The following CDCP1 variants were observed in gnomAD, a reference collection of about 807,000 sequenced individuals.
CDCP1 encodes the protein CUB domain-containing protein 1.
Under a neutral mutation model 60.2 loss-of-function variants are expected in CDCP1, and 29 were observed. That is an observed-to-expected ratio of 0.48 (90% CI 0.36 to 0.66). The LOEUF (loss-of-function observed/expected upper bound fraction) is 0.66, where lower values mean the gene tolerates loss of function less well. CDCP1 is among the 30% of genes least tolerant of loss of function. The pLI is 0.00. For missense variants in CDCP1, 876 were observed against 1,074.3 expected (o/e 0.82, Z 2.58); for synonymous variants, 387 against 431.1 (o/e 0.90, Z 1.27).
At chr3:45,113,752 C>A (rs781462445) in intron 2 of CDCP1, among the ~76,000 whole-genome samples, 1 of 152,176 alleles carries the variant, frequency 6.6e-6, no homozygotes, top group Admixed American at 6.5e-5. Context: ...CTTGCCAATG[C>A]GCTATGCTGT....
rs1352263792 is a variant in CDCP1, at chr3:45,110,556, T to C, written c.941A>G (p.Gln314Arg). Residue 314 changes from glutamine to arginine, a missense_variant, in exon 4 of 9, where the codon CAA (glutamine) becomes CGA (arginine). Transcript: ENST00000296129. ...NMAGNFNLSL[Q>R]GCDQDAQSPG... ...ACTTTGGGCATCTTGGTCACAGCCT[T>C]GCAGAGAGAGGTTGAAGTTCCCCGC... 2 of 1,614,090 alleles carry C rather than the reference T, an allele frequency of 1.2e-6. No homozygotes were observed. The highest frequency in any genetic ancestry group is 2.7e-5 in the African/African-American group (2 of 74,938).
chr3:45,144,992 AT>A (rs1210921169), intron 1 of CDCP1, among the ~76,000 whole-genome samples: 1 of 151,580 alleles, frequency 6.6e-6, no homozygotes, highest in Non-Finnish European at 1.5e-5. Flanking sequence ...TTTAATATAT[AT>A]AATTTATATA....
Position 45,085,716 on chromosome 3 carries a change from G to C in CDCP1, c.2433C>G (p.Pro811=). Residue 811 remains proline (P), a synonymous_variant, in exon 9 of 9, where the codon CCC becomes CCG. Transcript: ENST00000296129. This position sits in a 1 kb window ranked among gnomAD's most constrained non-coding sequence, Gnocchi z 4.2. ...SESEPYTFSH[P]NNGDVSSKDT... ...CCTTGCTGCTTACATCCCCATTGTT[G>C]GGATGGGAGAAGGTGTACGGTTCAC... The C allele has an allele frequency of 6.2e-7, 1 of 1,614,156 alleles. No homozygotes were observed. Among genetic ancestry groups the C allele is most frequent in the Non-Finnish European group, 8.5e-7 (1 of 1,180,024 alleles).
intron 1 of CDCP1, among the ~76,000 whole-genome samples, chr3:45,144,321 A>T (rs1699344653): frequency 6.6e-6 from 1 of 152,150 alleles, no homozygotes; most frequent in Non-Finnish European, 1.5e-5. Flanking sequence ...AGTCTCCAGG[A>T]ATTTCTCAAA....
rs149769993 is a variant in CDCP1 at position 45,110,505 on chromosome 3, T to C, written c.992A>G (p.Gln331Arg). The C allele has an allele frequency of 6.2e-7, 1 of 1,614,068 alleles. No homozygotes were observed. The highest frequency in any genetic ancestry group is 1.7e-5 in the Admixed American group (1 of 60,002). Reference sequence around the variant, plus strand: ...ATTTTGTGGATGTTGGACCAAAACTTGGAACTGCAGCCGGAGGATCCCTGG... The same window carrying C: ...ATTTTGTGGATGTTGGACCAAAACTCGGAACTGCAGCCGGAGGATCCCTGG... ...QSPGILRLQF[Q>R]VLVQHPQNES... is the part of the protein sequence containing the mutation. Residue 331 changes from glutamine (Q) to arginine (R), a missense_variant, in exon 4 of 9, where the codon CAA (glutamine) becomes CGA (arginine). By Grantham distance (43) the Gln-to-Arg change is conservative. Around this residue, in one of 2 missense-constraint regions of CDCP1, gnomAD observed 726 missense variants for 935.7 expected, o/e 0.78. Coordinates refer to ENST00000296129, the MANE Select transcript of CDCP1 (RefSeq NM_022842.5).
Position 45,112,182 on chromosome 3 carries a change from T to TC in CDCP1, c.555dup (p.Ile186AspfsTer43). ...ATTTTCACTCCTTCTTGCATCTTGA[T>TC]CCGGGACACAGTGCCATTGCTGCAG... On this transcript the variant is annotated frameshift_variant, in exon 3 of 9. Coordinates refer to ENST00000296129, the MANE Select transcript of CDCP1 (RefSeq NM_022842.5). LOFTEE classifies it high-confidence loss of function. The TC allele has an allele frequency of 6.2e-7, 1 of 1,614,182 alleles. No homozygotes were observed. The highest frequency in any genetic ancestry group is 8.5e-7 in the Non-Finnish European group (1 of 1,180,034).
chr3:45,100,059 G>T (rs1698464676), intron 4 of CDCP1, among the ~76,000 whole-genome samples: 2 of 152,186 alleles, frequency 1.3e-5, no homozygotes, highest in East Asian at 3.8e-4. Context: ...ATGCTATTTG[G>T]AATAGCTCTG....
chr3:45,096,385 G>A (rs963882706), intron 4 of CDCP1, among the ~76,000 whole-genome samples: 8 of 152,112 alleles, frequency 5.3e-5, no homozygotes, highest in Non-Finnish European at 7.4e-5. Context: ...AGCACTTTGG[G>A]AGGCCGAGGC....
At chr3:45,114,145 C>T (rs1021747948) in intron 2 of CDCP1, among the ~76,000 whole-genome samples, 1 of 152,214 alleles carries the variant, frequency 6.6e-6, no homozygotes, top group East Asian at 1.9e-4. Context: ...CTCCCAGCCT[C>T]AGCTCTGTCA....
At position 45,082,864 on chromosome 3, in the gene CDCP1, G is replaced by C. The variant is rs1698126921; in HGVS notation, c.*2774C>G. 1 of 152,242 alleles carries C rather than the reference G, an allele frequency of 6.6e-6. No homozygotes were observed. 9.4% of individuals were successfully genotyped at this position (152,242 alleles called of 1,614,324 possible). On this transcript the variant is annotated 3_prime_UTR_variant, in exon 9 of 9. Transcript: ENST00000296129. ...AGTGACCCTGAAATGTTTTACGTAA[G>C]TGGGGCCTGGGCTTTAAAGAAAAGA...
intron 2 of CDCP1, among the ~76,000 whole-genome samples, chr3:45,113,222 C>T (rs1012792256): frequency 4.6e-5 from 7 of 152,196 alleles, no homozygotes; most frequent in African/African-American, 1.7e-4. Flanking sequence ...GTGCAACTCC[C>T]CTGGACAGCT....
At chr3:45,094,959 G>A (rs1198138299) in intron 5 of CDCP1, among the ~76,000 whole-genome samples, 1 of 112,232 alleles carries the variant, frequency 8.9e-6, no homozygotes, top group South Asian at 3.1e-4. Flanking sequence ...TTTTTTTTTT[G>A]AGTCTTACTC....
chr3:45,140,335 A>C (rs765995292), intron 1 of CDCP1, among the ~76,000 whole-genome samples: 2 of 152,254 alleles, frequency 1.3e-5, no homozygotes, highest in Non-Finnish European at 2.9e-5. Context: ...TGCATTTGGC[A>C]CATTTCTCCC....
In CDCP1 at chr3:45,085,621, G is replaced by A. The variant is rs777676696; in HGVS notation, c.*17C>T. ...CCTGCTTTATGAAACTCAGCAAAGC[G>A]TCTGGAATGGATCAAGTTATTCTGC... On this transcript the variant is annotated 3_prime_UTR_variant, in exon 9 of 9. Coordinates refer to ENST00000296129, the MANE Select transcript of CDCP1 (RefSeq NM_022842.5). The surrounding 1 kb of genome is among the most constrained non-coding windows in gnomAD (Gnocchi z 4.2). The A allele has an allele frequency of 3.6e-5, 57 of 1,601,420 alleles. No individual in the cohort carries two copies. Among genetic ancestry groups the A allele is most frequent in the Admixed American group, 8.5e-5 (5 of 59,130 alleles).
chr3:45,127,371 G>A (rs777581672), intron 1 of CDCP1, among the ~76,000 whole-genome samples: 4 of 152,258 alleles, frequency 2.6e-5, no homozygotes, highest in South Asian at 2.1e-4. Flanking sequence ...AGGTCTGCCC[G>A]GGGGGTGTGG....
intron 8 of CDCP1, among the ~76,000 whole-genome samples, chr3:45,088,327 A>T (rs1559773625): frequency 6.6e-6 from 1 of 151,382 alleles, no homozygotes; most frequent in Admixed American, 6.6e-5. Flanking sequence ...ACAAAAAAAT[A>T]CAAAAAAAAT....
In CDCP1 at chr3:45,110,703, G is replaced by C. The variant is rs966425246; in HGVS notation, c.794C>G (p.Ser265Cys). ...GTTGGAGAGGTTGAAGTTGAGGAAG[G>C]AGACGCTGGCCCGCAGGTGTGCAGG... ...VVPAHLRASV[S>C]FLNFNLSNCE... Residue 265 changes from serine to cysteine, a missense_variant, in exon 4 of 9, where the codon TCC becomes TGC. Physicochemically the swap from Ser to Cys is moderately radical, Grantham distance 112. Around this residue, in one of 2 missense-constraint regions of CDCP1, gnomAD observed 726 missense variants for 935.7 expected, o/e 0.78. Coordinates refer to ENST00000296129, the MANE Select transcript of CDCP1 (RefSeq NM_022842.5). 2.4e-5 allele frequency: 39 copies of C among 1,614,096 alleles called. No homozygotes were observed. The highest frequency in any genetic ancestry group is 3.1e-5 in the Non-Finnish European group (36 of 1,180,048).
rs546623663 is a variant in CDCP1 at position 45,107,213 on chromosome 3, C to CT, written c.1024+3259dup. ...TGTTGTGTCTTTCTTTCCTTTCTTT[C>CT]TTTTTTTTTTTGAGATGGAGTCTTG... On this transcript the variant is annotated intron_variant, in intron 4 of 8. Transcript: ENST00000296129. 1.9e-3 allele frequency among the ~76,000 whole-genome samples: 278 copies of CT among 147,412 alleles called. 2 individuals carry two copies. The highest frequency in any genetic ancestry group is 7.3e-3 in the South Asian group (34 of 4,644).
rs1215278385 is a variant in CDCP1 at position 45,133,717 on chromosome 3, C to CAAAAA, written c.82+12484_82+12488dup. On this transcript the variant is annotated intron_variant, in intron 1 of 8. Coordinates refer to ENST00000296129, the MANE Select transcript of CDCP1 (RefSeq NM_022842.5). ...TGGGCGACAGAGCGAGACTCCGTCT[C>CAAAAA]AAAAAAAAAAAAAAAAAAAAAAAAA... Among the ~76,000 whole-genome samples, 220 of 50,210 alleles carry CAAAAA rather than the reference C, an allele frequency of 4.4e-3. 68 individuals carry two copies. The highest frequency in any genetic ancestry group is 0.025 in the African/African-American group (186 of 7,366). 32.9% of individuals were successfully genotyped at this position (50,210 alleles called of 152,430 possible).
Sources: gnomAD v4.1 joint callset for allele counts (sites outside exome capture counted in the v4.1 genomes callset) on GRCh38, gnomAD v4.1.1 for gene constraint, gnomAD v4.1.1 regional missense constraint, Gnocchi (gnomAD v3.1) non-coding constraint, MANE v1.5 for transcripts, NCBI Gene and HGNC (gene_info 2026-07-23, HGNC 2026-07-21) for gene names.